FSTL5: variants seen among roughly 807,000 people sequenced by gnomAD.
The protein encoded by FSTL5 is follistatin-related protein 5.
FSTL5 carries 62 observed loss-of-function variants against 89.1 expected under a neutral mutation model. That is an observed-to-expected ratio of 0.70 (90% CI 0.57 to 0.86). FSTL5 has a LOEUF of 0.86. Ranked by LOEUF, FSTL5 falls within the 40% of genes least tolerant of loss-of-function variation. The pLI is 0.00. For synonymous variants in FSTL5, 383 were observed against 346.2 expected, an observed-to-expected ratio of 1.11 and a Z score of -1.18; for missense variants, 1,057 against 1,001.6, an observed-to-expected ratio of 1.06 and a Z score of -0.75.
chr4:161,576,302 G>A (rs1578938977), intron 8 of FSTL5, among the ~76,000 whole-genome samples: 1 of 151,888 alleles, frequency 6.6e-6, no homozygotes, highest in African/African-American at 2.4e-5. Context: ...CTTTCTTCAC[G>A]GAATTAGAAA....
At chr4:162,041,444 G>A (rs148364894) in intron 2 of FSTL5, among the ~76,000 whole-genome samples, 4 of 151,958 alleles carry the variant, frequency 2.6e-5, no homozygotes, top group African/African-American at 9.7e-5. Flanking sequence ...TCTTATGTTG[G>A]TAAGAAATGT....
chr4:161,845,249 T>C (rs1731332602), intron 4 of FSTL5, among the ~76,000 whole-genome samples: 1 of 152,132 alleles, frequency 6.6e-6, no homozygotes, highest in Admixed American at 6.5e-5. Context: ...TAAAACCAAA[T>C]AAAACATTGT....
chr4:161,875,090 T>G (rs2126904240), intron 4 of FSTL5, among the ~76,000 whole-genome samples: 1 of 152,300 alleles, frequency 6.6e-6, no homozygotes, highest in Admixed American at 6.5e-5. Context: ...ATATTATTAC[T>G]TTTTCCCTTG....
intron 2 of FSTL5, among the ~76,000 whole-genome samples, chr4:162,092,369 T>G (rs1292850765): frequency 1.3e-5 from 2 of 152,140 alleles, no homozygotes; most frequent in African/African-American, 2.4e-5. Context: ...AAGAAAATAT[T>G]TTTCTACAAG....
intron 12 of FSTL5, among the ~76,000 whole-genome samples, chr4:161,484,175 T>A (rs1207232312): frequency 6.6e-6 from 1 of 152,200 alleles, no homozygotes; most frequent in Admixed American, 6.5e-5. Context: ...TTTTCATTTA[T>A]TAGACTAATT....
At chr4:161,915,818 G>A (rs1383777700) in intron 4 of FSTL5, among the ~76,000 whole-genome samples, 1 of 152,026 alleles carries the variant, frequency 6.6e-6, no homozygotes, top group Non-Finnish European at 1.5e-5. Flanking sequence ...ATTTTTCAAT[G>A]TATATAGATT....
At chr4:161,411,679 A>C (rs1314943207) in intron 15 of FSTL5, among the ~76,000 whole-genome samples, 1 of 152,182 alleles carries the variant, frequency 6.6e-6, no homozygotes, top group South Asian at 2.1e-4. Context: ...CATCAAAGGA[A>C]CATACCTAGA....
intron 15 of FSTL5, among the ~76,000 whole-genome samples, chr4:161,414,025 C>T (rs746937780): frequency 2.6e-5 from 4 of 152,002 alleles, no homozygotes; most frequent in Non-Finnish European, 5.9e-5. Context: ...TCCATATTCC[C>T]AAGTAAAATA....
chr4:161,794,493 A>G (rs1406019463), intron 4 of FSTL5, among the ~76,000 whole-genome samples: 3 of 152,200 alleles, frequency 2.0e-5, no homozygotes, highest in Admixed American at 6.5e-5. Context: ...GTTAATTTAG[A>G]GGAGCTGAAG....
intron 2 of FSTL5, among the ~76,000 whole-genome samples, chr4:162,071,485 G>A (rs774818037): frequency 6.6e-6 from 1 of 151,532 alleles, no homozygotes; most frequent in Non-Finnish European, 1.5e-5. Context: ...AAAGCACCCC[G>A]ACATATAACG....
intron 4 of FSTL5, among the ~76,000 whole-genome samples, chr4:161,839,857 T>C (rs1371161410): frequency 6.6e-6 from 1 of 152,204 alleles, no homozygotes; most frequent in Non-Finnish European, 1.5e-5. Flanking sequence ...GTTTCATTGT[T>C]ATTTAAGTTC....
chr4:161,932,980 A>G (rs906460487), intron 3 of FSTL5, among the ~76,000 whole-genome samples: 1 of 152,174 alleles, frequency 6.6e-6, no homozygotes, highest in African/African-American at 2.4e-5. Flanking sequence ...AAACAATACA[A>G]TACATCAAGA....
chr4:161,872,136 T>TG (rs1732285393), intron 4 of FSTL5, among the ~76,000 whole-genome samples: 1 of 40,678 alleles, frequency 2.5e-5, no homozygotes, highest in Non-Finnish European at 6.4e-5. Flanking sequence ...TTGTTTTTTT[T>TG]TTTGGTTTTT....
intron 1 of FSTL5, among the ~76,000 whole-genome samples, chr4:162,125,935 G>T (rs972156051): frequency 6.6e-6 from 1 of 151,668 alleles, no homozygotes; most frequent in Admixed American, 6.6e-5. Flanking sequence ...CTTTATATTG[G>T]ATTGTTAACA....
At chr4:161,684,228 C>T (rs901655587) in intron 6 of FSTL5, among the ~76,000 whole-genome samples, 3 of 152,100 alleles carry the variant, frequency 2.0e-5, no homozygotes, top group Non-Finnish European at 4.4e-5. Context: ...AATTGTTATG[C>T]TATAAACACG....
intron 15 of FSTL5, among the ~76,000 whole-genome samples, chr4:161,404,518 A>G (rs978271941): frequency 6.6e-6 from 1 of 152,226 alleles, no homozygotes; most frequent in East Asian, 1.9e-4. Flanking sequence ...AGAATGCCTC[A>G]ACATAGGGCC....
chr4:161,520,605 A>C lies in FSTL5; in HGVS notation c.1313-10181T>G, dbSNP rs192247971. On this transcript the variant is annotated intron_variant, in intron 10 of 15. Transcript: ENST00000306100. ...GAGTAAATATATCCTATACTCTACC[A>C]TACCAACTAATTATATGTGGTTGGA... 6.3e-4 allele frequency among the ~76,000 whole-genome samples: 96 copies of C among 152,282 alleles called. 1 individual carries two copies. The highest frequency in any genetic ancestry group is 2.2e-3 in the African/African-American group (91 of 41,584).
In FSTL5 at chr4:161,968,353, T is replaced by TA. The variant is rs531266237; in HGVS notation, c.161-47702dup. Among the ~76,000 whole-genome samples the TA allele has an allele frequency of 1.9e-3, 283 of 150,964 alleles. 1 individual carries two copies. Among genetic ancestry groups the TA allele is most frequent in the Non-Finnish European group, 2.6e-3 (174 of 67,616 alleles). On this transcript the variant is annotated intron_variant, in intron 3 of 15. Transcript: ENST00000306100. Reference sequence around the variant, plus strand: ...ATGGACAATATAAATGCAATGTCTTTAAAAAAAAAGTCATCCTTATCTTTG... The same window carrying TA: ...ATGGACAATATAAATGCAATGTCTTTAAAAAAAAAAGTCATCCTTATCTTTG...
chr4:161,421,497 T>C (rs1444022790), intron 15 of FSTL5, among the ~76,000 whole-genome samples: 1 of 152,162 alleles, frequency 6.6e-6, no homozygotes, highest in African/African-American at 2.4e-5. Context: ...TTGCCTTCAT[T>C]TGGAGATTAG....
Sources: allele counts gnomAD v4.1 joint callset (sites outside exome capture counted in the v4.1 genomes callset), GRCh38; gene constraint gnomAD v4.1.1; transcripts MANE v1.5; gene names NCBI Gene and HGNC (gene_info 2026-07-23, HGNC 2026-07-21).